Variants in CAMKV observed in about 807,000 individuals in gnomAD.
CAMKV encodes caM kinase-like vesicle-associated protein.
Under a neutral mutation model 50.2 loss-of-function variants are expected in CAMKV, and 5 were observed. The observed-to-expected ratio is 0.10, with a 90% confidence interval of 0.05 to 0.21. CAMKV has a LOEUF of 0.21. CAMKV is among the 10% of genes least tolerant of loss of function. The pLI, the probability that CAMKV is intolerant of heterozygous loss-of-function variation, is 1.00. For missense variants in CAMKV, 361 were observed against 650.5 expected (o/e 0.55, Z 4.84); for synonymous variants, 229 against 250.1 (o/e 0.92, Z 0.80).
Position 49,862,512 on chromosome 3 carries a change from AC to A in CAMKV, c.-14-111del. ...GGCTCAGGCCAAGCTAGGGGCAGAG[AC>A]CATACCAGGAGGGGCTAGAGGATAG... On this transcript the variant is annotated intron_variant, in intron 1 of 10. Transcript: ENST00000477224. This position sits in a 1 kb window ranked among gnomAD's most constrained non-coding sequence, Gnocchi z 5.2. 1.1e-6 allele frequency: 1 copy of A among 888,716 alleles called. No homozygotes were observed. The highest frequency in any genetic ancestry group is 1.8e-6 in the Non-Finnish European group (1 of 542,576). The allele number at this position is 888,716 out of a possible 1,614,324, so 55.1% of individuals were successfully genotyped here. A position where few individuals can be genotyped will look rare whatever the true frequency, so the allele number is the denominator to read the frequency against.
Position 49,860,414 on chromosome 3 carries a change from G to A in CAMKV, c.854+57C>T. 2 of 1,588,194 alleles carry A rather than the reference G, an allele frequency of 1.3e-6. No homozygotes were observed. Among genetic ancestry groups the A allele is most frequent in the South Asian group, 2.2e-5 (2 of 89,138 alleles). On this transcript the variant is annotated intron_variant, in intron 9 of 10. Transcript: ENST00000477224. This position sits in a 1 kb window ranked among gnomAD's most constrained non-coding sequence, Gnocchi z 6.1. ...ACCCCTTCCAGGCCTCAAAGATGGG[G>A]CTGCTGGGTGTGAGGGGGACCCTGG...
In CAMKV at chr3:49,860,636, A is replaced by T; in HGVS notation, c.775+80T>A. On this transcript the variant is annotated intron_variant, in intron 8 of 10. Coordinates refer to ENST00000477224, the MANE Select transcript of CAMKV (RefSeq NM_024046.5). The surrounding 1 kb of genome is among the most constrained non-coding windows in gnomAD (Gnocchi z 6.1). ...AAATGGGCTGGGGGACAGAAGCAGA[A>T]TACCACAGAGGAAGATGAGAGCAGG... The T allele has an allele frequency of 6.2e-7, 1 of 1,611,808 alleles. No individual in the cohort carries two copies. The highest frequency in any genetic ancestry group is 8.5e-7 in the Non-Finnish European group (1 of 1,178,048).
At position 49,858,281 on chromosome 3, in the gene CAMKV, G is replaced by C; in HGVS notation, c.*1037C>G. ...GCACCTGGGCCTCTGATAGAAGTGA[G>C]CTGTAGAAAGAGGGAGTTCCTCTTC... is the stretch of plus-strand genomic sequence containing the variant. On this transcript the variant is annotated 3_prime_UTR_variant, in exon 11 of 11. Coordinates refer to ENST00000477224, the MANE Select transcript of CAMKV (RefSeq NM_024046.5). 2.5e-6 allele frequency: 1 copy of C among 398,686 alleles called. No homozygotes were observed. The highest frequency in any genetic ancestry group is 4.4e-6 in the Non-Finnish European group (1 of 226,078). The allele number at this position is 398,686 out of a possible 1,614,324, so 24.7% of individuals were successfully genotyped here. A position where few individuals can be genotyped will look rare whatever the true frequency, so the allele number is the denominator to read the frequency against.
Position 49,859,904 on chromosome 3 carries a change from A to G in CAMKV, c.943-23T>C. On this transcript the variant is annotated intron_variant, in intron 10 of 10. Transcript: ENST00000477224. This position sits in a 1 kb window ranked among gnomAD's most constrained non-coding sequence, Gnocchi z 5.5. ...CTTCTGAAAGGAGCACAGTGGAGAA[A>G]GGCTAAGGGTGAGGCTTGCTGGATC... 1 of 1,504,982 alleles carries G rather than the reference A, an allele frequency of 6.6e-7. No homozygotes were observed. Among genetic ancestry groups the G allele is most frequent in the Non-Finnish European group, 8.8e-7 (1 of 1,134,878 alleles). The allele number at this position is 1,504,982 out of a possible 1,614,324, so 93.2% of individuals were successfully genotyped here.
At chr3:49,865,255 C>T (rs759271656) in intron 1 of CAMKV, among the ~76,000 whole-genome samples, 1 of 152,162 alleles carries the variant, frequency 6.6e-6, no homozygotes, top group Non-Finnish European at 1.5e-5. Context: ...AGAGCAGAGG[C>T]ATAGCCAGTT....
Position 49,862,216 on chromosome 3 carries a change from T to C in CAMKV, c.96-40A>G, listed in dbSNP as rs1180046322. The C allele has an allele frequency of 1.2e-6, 2 of 1,614,110 alleles. No individual in the cohort carries two copies. The highest frequency in any genetic ancestry group is 2.7e-5 in the African/African-American group (2 of 75,050). Reference sequence around the variant, plus strand: ...CACCCACTCAGGCCTGGCCTTAGCATCAGCTGCACTCCACTGCCACTTCCC... The same window carrying C: ...CACCCACTCAGGCCTGGCCTTAGCACCAGCTGCACTCCACTGCCACTTCCC... On this transcript the variant is annotated intron_variant, in intron 2 of 10. Transcript: ENST00000477224. The surrounding 1 kb of genome is among the most constrained non-coding windows in gnomAD (Gnocchi z 5.2).
rs2082029989 is a variant in CAMKV, at chr3:49,862,465, T to C, written c.-14-63A>G. The C allele has an allele frequency of 6.9e-7, 1 of 1,445,998 alleles. No individual in the cohort carries two copies. Among genetic ancestry groups the C allele is most frequent in the African/African-American group, 1.4e-5 (1 of 71,842 alleles). The allele number at this position is 1,445,998 out of a possible 1,614,324, so 89.6% of individuals were successfully genotyped here. On this transcript the variant is annotated intron_variant, in intron 1 of 10. Coordinates refer to ENST00000477224, the MANE Select transcript of CAMKV (RefSeq NM_024046.5). The surrounding 1 kb of genome is among the most constrained non-coding windows in gnomAD (Gnocchi z 5.2). ...CTCCACTTCCCCACAACATAGGGGC[T>C]GCTTTTGGGAGACCCCAACCTGGCT...
chr3:49,861,740 G>T lies in CAMKV; in HGVS notation c.302+51C>A. ...TTCCTTAGCTGCAGAGGGTGGGACA[G>T]GTGAAAGCCCTGGGCGCTGGGGAAT... On this transcript the variant is annotated intron_variant, in intron 4 of 10. Transcript: ENST00000477224. This position sits in a 1 kb window ranked among gnomAD's most constrained non-coding sequence, Gnocchi z 7.7. The T allele has an allele frequency of 6.2e-7, 1 of 1,605,280 alleles. No homozygotes were observed. The highest frequency in any genetic ancestry group is 1.1e-5 in the South Asian group (1 of 90,830).
intron 1 of CAMKV, among the ~76,000 whole-genome samples, chr3:49,866,810 C>A (rs961161071): frequency 4.6e-5 from 7 of 152,256 alleles, no homozygotes; most frequent in African/African-American, 1.4e-4. Context: ...AGGGAAAGCC[C>A]AAACGGGACA....
At chr3:49,867,152 G>T (rs1463987237) in intron 1 of CAMKV, among the ~76,000 whole-genome samples, 2 of 152,244 alleles carry the variant, frequency 1.3e-5, no homozygotes, top group Non-Finnish European at 2.9e-5. Context: ...TGAAGCCCAA[G>T]CCCTGCTTAA....
Position 49,859,787 on chromosome 3 carries a change from G to A in CAMKV, c.1037C>T (p.Ala346Val), listed in dbSNP as rs779164652. The A allele has an allele frequency of 1.3e-6, 2 of 1,554,824 alleles. No individual in the cohort carries two copies. Among genetic ancestry groups the A allele is most frequent in the Admixed American group, 1.7e-5 (1 of 57,640 alleles). ...AAQSASATDT[A>V]TPGAAGGATA... ...GGCCCCACCTGCAGCCCCGGGGGTGGCAGTGTCTGTGGCTGAGGCCGACTG... is the reference window on the plus strand; with the variant it reads ...GGCCCCACCTGCAGCCCCGGGGGTGACAGTGTCTGTGGCTGAGGCCGACTG... The change falls in exon 11 of 11, where the codon GCC becomes GTC. Residue 346 changes from alanine (A) to valine (V), a missense_variant. By Grantham distance (64) the Ala-to-Val change is moderately conservative. This residue lies in a region of CAMKV where 87 missense variants were observed against 92.0 expected (regional missense o/e 0.95). Coordinates refer to ENST00000477224, the MANE Select transcript of CAMKV (RefSeq NM_024046.5). This position sits in a 1 kb window ranked among gnomAD's most constrained non-coding sequence, Gnocchi z 5.5.
chr3:49,862,512 A>G lies in CAMKV; in HGVS notation c.-14-110T>C, dbSNP rs1559457122. ...GGCTCAGGCCAAGCTAGGGGCAGAG[A>G]CCATACCAGGAGGGGCTAGAGGATA... On this transcript the variant is annotated intron_variant, in intron 1 of 10. Coordinates refer to ENST00000477224, the MANE Select transcript of CAMKV (RefSeq NM_024046.5). The surrounding 1 kb of genome is among the most constrained non-coding windows in gnomAD (Gnocchi z 5.2). The G allele has an allele frequency of 1.1e-6, 1 of 888,718 alleles. No individual in the cohort carries two copies. The highest frequency in any genetic ancestry group is 1.8e-6 in the Non-Finnish European group (1 of 542,578). The allele number at this position is 888,718 out of a possible 1,614,324, so 55.1% of individuals were successfully genotyped here.
chr3:49,858,657 G>A lies in CAMKV; in HGVS notation c.*661C>T, dbSNP rs932641649. 4 of 296,522 alleles carry A rather than the reference G, an allele frequency of 1.3e-5. No individual in the cohort carries two copies. The highest frequency in any genetic ancestry group is 2.5e-5 in the Non-Finnish European group (4 of 162,142). 18.4% of individuals were successfully genotyped at this position (296,522 alleles called of 1,614,324 possible). On this transcript the variant is annotated 3_prime_UTR_variant, in exon 11 of 11. Transcript: ENST00000477224. ...GGCAGGAAATAACACAAATAACAGG[G>A]TCTTAGGAAGGACAAAAATGGAAGC...
In CAMKV at chr3:49,860,835, G is replaced by T; in HGVS notation, c.656C>A (p.Pro219His). 6.2e-7 allele frequency: 1 copy of T among 1,614,060 alleles called. No homozygotes were observed. The highest frequency in any genetic ancestry group is 1.3e-5 in the African/African-American group (1 of 75,008). The part of the protein sequence containing the change: ...IMYILLSGNP[P>H]FYEEVEEDDY... ...ATCTTCTTCCACCTCCTCATAGAAA[G>T]GTGGATTGCCTGAAAGCCTGCATGG... The change falls in exon 8 of 11, where the codon CCT (proline) becomes CAT (histidine). Residue 219 changes from proline (P) to histidine (H), a missense_variant. Physicochemically the swap from Pro to His is moderately conservative, Grantham distance 77 (BLOSUM62 -2). Around this residue, in one of 4 missense-constraint regions of CAMKV, gnomAD observed 172 missense variants for 414.3 expected, o/e 0.42. Coordinates refer to ENST00000477224, the MANE Select transcript of CAMKV (RefSeq NM_024046.5). The surrounding 1 kb of genome is among the most constrained non-coding windows in gnomAD (Gnocchi z 6.1).
At chr3:49,866,981 C>T (rs1327671482) in intron 1 of CAMKV, among the ~76,000 whole-genome samples, 1 of 152,220 alleles carries the variant, frequency 6.6e-6, no homozygotes, top group Non-Finnish European at 1.5e-5. Context: ...TCTAGGGAGG[C>T]CAGGAGGGGC....
intron 1 of CAMKV, among the ~76,000 whole-genome samples, chr3:49,866,096 G>A (rs2108333248): frequency 1.4e-5 from 1 of 70,202 alleles, no homozygotes; most frequent in Middle Eastern, 5.6e-3. Context: ...ATTTCAGCCA[G>A]TCACTCCTCC....
rs1338769404 is a variant in CAMKV at position 49,859,434 on chromosome 3, T to C, written c.1390A>G (p.Met464Val). The C allele has an allele frequency of 6.2e-7, 1 of 1,613,296 alleles. No homozygotes were observed. The highest frequency in any genetic ancestry group is 1.7e-5 in the Admixed American group (1 of 60,008). Residue 464 changes from methionine to valine, a missense_variant, in exon 11 of 11, where the codon ATG (methionine) becomes GTG (valine). Transcript: ENST00000477224. This position sits in a 1 kb window ranked among gnomAD's most constrained non-coding sequence, Gnocchi z 5.5. Reference sequence around the variant, plus strand: ...GGGGCTGTGCTGTCCGGCTGGGCCATAGCCGGCTCAGGGGTGGCAGCTGCC... The same window carrying C: ...GGGGCTGTGCTGTCCGGCTGGGCCACAGCCGGCTCAGGGGTGGCAGCTGCC... Reference protein sequence around the residue: ...TKAAATPEPAMAQPDSTAPEG... With the variant: ...TKAAATPEPAVAQPDSTAPEG...
At chr3:49,868,269 C>G (rs1230021975) in intron 1 of CAMKV, among the ~76,000 whole-genome samples, 2 of 152,128 alleles carry the variant, frequency 1.3e-5, no homozygotes, top group African/African-American at 4.8e-5. Context: ...TCCCAGCCAA[C>G]CCCTCCCCCA....
Position 49,859,504 on chromosome 3 carries a change from C to G in CAMKV, c.1320G>C (p.Glu440Asp). The change falls in exon 11 of 11, where the codon GAG becomes GAC. Residue 440 changes from glutamate (E) to aspartate (D), a missense_variant. This residue lies in a region of CAMKV where 75 missense variants were observed against 84.2 expected (regional missense o/e 0.89). Coordinates refer to ENST00000477224, the MANE Select transcript of CAMKV (RefSeq NM_024046.5). The surrounding 1 kb of genome is among the most constrained non-coding windows in gnomAD (Gnocchi z 5.5). ...TGCTTTGGGTGGTGGGCACAGTGCT[C>G]TCTTCTGTGGCTGGTGTGGCTCTCC... ...TDGRATPATE[E>D]STVPTTQSSA... 1.9e-6 allele frequency: 3 copies of G among 1,614,188 alleles called. No individual in the cohort carries two copies. Among genetic ancestry groups the G allele is most frequent in the Non-Finnish European group, 2.5e-6 (3 of 1,180,022 alleles).
Sources: gnomAD v4.1 joint callset for allele counts (sites outside exome capture counted in the v4.1 genomes callset) on GRCh38, gnomAD v4.1.1 for gene constraint, gnomAD v4.1.1 regional missense constraint, Gnocchi (gnomAD v3.1) non-coding constraint, MANE v1.5 for transcripts, NCBI Gene and HGNC (gene_info 2026-07-23, HGNC 2026-07-21) for gene names.